DTWD2: variants seen among roughly 807,000 people sequenced by gnomAD.
DTWD2 encodes the protein DTW motif tRNA-uridine aminocarboxypropyltransferase 2.
A neutral mutation model predicts 31.8 loss-of-function variants in DTWD2; 39 were observed. The observed-to-expected ratio is 1.22, with a 90% CI of 0.95 to 1.60. The LOEUF (loss-of-function observed/expected upper bound fraction) is 1.60. Ranked by LOEUF, DTWD2 falls within the 40% of genes most tolerant of loss-of-function variation. The pLI is 0.00. For missense variants in DTWD2, 515 were observed against 381.5 expected (o/e 1.35, Z -2.92); for synonymous variants, 180 against 142.8 (o/e 1.26, Z -1.86).
At chr5:118,920,728 T>G (rs764583498) in intron 4 of DTWD2, among the ~76,000 whole-genome samples, 1 of 152,230 alleles carries the variant, frequency 6.6e-6, no homozygotes, top group Non-Finnish European at 1.5e-5. Context: ...AGGATACTAC[T>G]TAGAAATATT....
intron 4 of DTWD2, among the ~76,000 whole-genome samples, chr5:118,855,340 C>A (rs552524030): frequency 6.6e-6 from 1 of 150,694 alleles, no homozygotes; most frequent in African/African-American, 2.4e-5. Context: ...GAGGCAGTGT[C>A]TTGCAGGCAA....
chr5:118,954,493 T>A (rs959844604), intron 1 of DTWD2, among the ~76,000 whole-genome samples: 1 of 152,108 alleles, frequency 6.6e-6, no homozygotes, highest in Non-Finnish European at 1.5e-5. Flanking sequence ...AGGTGCTCAA[T>A]AGATATTGCT....
At chr5:118,868,192 G>A (rs1032493529) in intron 4 of DTWD2, among the ~76,000 whole-genome samples, 4 of 152,002 alleles carry the variant, frequency 2.6e-5, no homozygotes, top group African/African-American at 9.7e-5. Context: ...AATGGTGTCA[G>A]AAATACGAGA....
chr5:118,853,356 TGAA>T (rs1469767030), intron 4 of DTWD2, among the ~76,000 whole-genome samples: 1 of 152,122 alleles, frequency 6.6e-6, no homozygotes, highest in East Asian at 1.9e-4. Flanking sequence ...CTCAAAGAAA[TGAA>T]AATAGAACCA....
rs557831001 is a variant in DTWD2, at chr5:118,882,518, G to A, written c.598-34300C>T. On this transcript the variant is annotated intron_variant, in intron 4 of 5. Transcript: ENST00000510708. The stretch of plus-strand genomic sequence containing the variant: ...CAAACCCACATTTCCCTTCTGCACT[G>A]CCTTAGCAGAGGTTCTCCATGAGGG... Among the ~76,000 whole-genome samples the A allele has an allele frequency of 2.0e-5, 3 of 152,340 alleles. No individual in the cohort carries two copies. In the East Asian group the frequency reaches 5.8e-4, roughly 29 times the overall value.
chr5:118,930,604 C>G (rs1332737724), intron 3 of DTWD2, among the ~76,000 whole-genome samples: 1 of 152,156 alleles, frequency 6.6e-6, no homozygotes, highest in Non-Finnish European at 1.5e-5. Context: ...AAAGGCCTTT[C>G]CCTCAAGAGA....
intron 4 of DTWD2, among the ~76,000 whole-genome samples, chr5:118,848,882 G>T (rs1348391988): frequency 6.6e-6 from 1 of 151,870 alleles, no homozygotes; most frequent in Non-Finnish European, 1.5e-5. Flanking sequence ...AACTCAAGAG[G>T]GATTAAAGAC....
intron 4 of DTWD2, among the ~76,000 whole-genome samples, chr5:118,883,443 T>C (rs187403941): frequency 6.6e-6 from 1 of 152,344 alleles, no homozygotes; most frequent in Admixed American, 6.5e-5. Flanking sequence ...ATTATCTTTA[T>C]AGCAGTACCC....
At chr5:118,871,611 T>C (rs917410591) in intron 4 of DTWD2, among the ~76,000 whole-genome samples, 1 of 152,234 alleles carries the variant, frequency 6.6e-6, no homozygotes, top group African/African-American at 2.4e-5. Context: ...TTGAAAGGTA[T>C]CTTTTTCTCT....
intron 4 of DTWD2, among the ~76,000 whole-genome samples, chr5:118,877,047 T>C (rs188799381): frequency 3.9e-5 from 6 of 152,342 alleles, no homozygotes; most frequent in African/African-American, 1.4e-4. Context: ...GTAGGCTTTA[T>C]CCCTGGAATG....
chr5:118,956,666 TTTAAAGA>T (rs1474877575), intron 1 of DTWD2, among the ~76,000 whole-genome samples: 3 of 152,226 alleles, frequency 2.0e-5, no homozygotes, highest in African/African-American at 7.2e-5. Flanking sequence ...ATAAGTAAAC[TTTAAAGA>T]TTAGTGAACA....
At chr5:118,961,665 G>T (rs1299541945) in intron 1 of DTWD2, among the ~76,000 whole-genome samples, 1 of 152,224 alleles carries the variant, frequency 6.6e-6, no homozygotes, top group East Asian at 1.9e-4. Flanking sequence ...AAAGATTAAA[G>T]TAAAGATATT....
intron 4 of DTWD2, among the ~76,000 whole-genome samples, chr5:118,923,749 C>T (rs1257927616): frequency 6.6e-6 from 1 of 152,164 alleles, no homozygotes; most frequent in Admixed American, 6.5e-5. Context: ...CCTTCAAAGT[C>T]TTTCTCTGAG....
chr5:118,924,913 G>A (rs540869288), intron 4 of DTWD2, among the ~76,000 whole-genome samples: 2 of 152,136 alleles, frequency 1.3e-5, no homozygotes, highest in African/African-American at 4.8e-5. Flanking sequence ...TTACCTCATG[G>A]GATTTGGGGA....
chr5:118,915,240 T>C (rs1205666565), intron 4 of DTWD2, among the ~76,000 whole-genome samples: 1 of 151,724 alleles, frequency 6.6e-6, no homozygotes, highest in African/African-American at 2.4e-5. Context: ...TTTTTCTTAA[T>C]ATGGAAAAAA....
At chr5:118,963,448 G>A (rs998181533) in intron 1 of DTWD2, among the ~76,000 whole-genome samples, 4 of 152,216 alleles carry the variant, frequency 2.6e-5, no homozygotes, top group Non-Finnish European at 5.9e-5. Flanking sequence ...GTGTATGGAG[G>A]AGGAAGAGAT....
At chr5:118,894,666 A>G (rs1273264807) in intron 4 of DTWD2, among the ~76,000 whole-genome samples, 2 of 152,202 alleles carry the variant, frequency 1.3e-5, no homozygotes, top group Non-Finnish European at 1.5e-5. Context: ...TAAAAAGACC[A>G]TTTACCATGA....
intron 2 of DTWD2, among the ~76,000 whole-genome samples, chr5:118,941,573 T>C (rs1182336595): frequency 6.6e-6 from 1 of 152,242 alleles, no homozygotes; most frequent in African/African-American, 2.4e-5. Flanking sequence ...TAATCCAGTC[T>C]ATCATTGTTG....
At chr5:118,893,833 G>C (rs945227322) in intron 4 of DTWD2, among the ~76,000 whole-genome samples, 4 of 152,126 alleles carry the variant, frequency 2.6e-5, no homozygotes, top group African/African-American at 9.7e-5. Context: ...GCTGGACCCA[G>C]CAAGAAGACA....
Sources: gnomAD v4.1 joint callset for allele counts (sites outside exome capture counted in the v4.1 genomes callset) on GRCh38, gnomAD v4.1.1 for gene constraint, MANE v1.5 for transcripts, NCBI Gene and HGNC (gene_info 2026-07-23, HGNC 2026-07-21) for gene names.